Variants in HIBCH observed in about 807,000 individuals in gnomAD.
HIBCH encodes the protein 3-hydroxyisobutyryl-CoA hydrolase, mitochondrial.
HIBCH carries 50 observed loss-of-function variants against 58.2 expected under a neutral mutation model. The ratio of observed to expected loss-of-function variants is 0.86; its 90% confidence interval spans 0.68 to 1.09. The LOEUF (loss-of-function observed/expected upper bound fraction) is 1.09, where lower values mean the gene tolerates loss of function less well. Among genes scored for constraint, HIBCH ranks in the 50% least tolerant of loss-of-function variants. The pLI is 0.00. For synonymous variants in HIBCH, 151 were observed against 146.9 expected (o/e 1.03, Z -0.20); for missense variants, 450 against 449.7 (o/e 1.00, Z -0.01).
intron 11 of HIBCH, among the ~76,000 whole-genome samples, chr2:190,223,901 G>C (rs1685806980): frequency 6.6e-6 from 1 of 152,192 alleles, no homozygotes; most frequent in South Asian, 2.1e-4. Context: ...CATCTCACTG[G>C]GGCTTGTCAG....
intron 4 of HIBCH, among the ~76,000 whole-genome samples, chr2:190,294,020 GTGTA>G (rs869120145): frequency 0.022 from 2,722 of 125,784 alleles, 46 homozygotes; most frequent in African/African-American, 0.04. Flanking sequence ...TATATTTTGT[GTGTA>G]TATATATATA....
In HIBCH at chr2:190,193,212, G is replaced by A. The variant is rs1204204349; in HGVS notation, c.*18-3215C>T. Among the ~76,000 whole-genome samples the A allele has an allele frequency of 2.0e-5, 3 of 151,586 alleles. 1 individual carries two copies. On this transcript the variant is annotated intron_variant, in intron 1 of 1. Coordinates refer to the HIBCH transcript ENST00000399855. ...AAATTTTTTTTCTGTTTCTACTGAG[G>A]TGATCATCTGATTTTTTTTATGTTA...
intron 8 of HIBCH, chr2:190,251,629 A>G (rs3791792): frequency 0.22 from 86,041 of 394,338 alleles, 9,912 homozygotes; most frequent in East Asian, 0.33. Context: ...CTATCTATAT[A>G]TTCTTTTCCA....
chr2:190,213,139 G>GAA, intron 11 of HIBCH, 64 bp from the exon 12 acceptor site: 1 of 1,233,320 alleles, frequency 8.1e-7, no homozygotes, highest in Non-Finnish European at 1.2e-6. Flanking sequence ...TAATAAATGG[G>GAA]CAGAGTGTCT....
intron 11 of HIBCH, among the ~76,000 whole-genome samples, chr2:190,227,672 A>G (rs893655170): frequency 2.2e-4 from 34 of 152,346 alleles, no homozygotes; most frequent in African/African-American, 7.5e-4. Context: ...AAGGGCTAAT[A>G]TCCAGAATCT....
chr2:190,273,235 A>G (rs1167487044), intron 6 of HIBCH, among the ~76,000 whole-genome samples: 2 of 152,100 alleles, frequency 1.3e-5, no homozygotes, highest in African/African-American at 4.8e-5. Flanking sequence ...TCTATTAAAA[A>G]TACAAAAATT....
chr2:190,202,815 C>T (rs886258554), downstream of HIBCH: 1 of 167,042 alleles, frequency 6.0e-6, no homozygotes, highest in Non-Finnish European at 1.5e-5. Flanking sequence ...GTGCAAATTC[C>T]TTATTTACAA....
chr2:190,277,453 C>A (rs1175841249), intron 6 of HIBCH, among the ~76,000 whole-genome samples: 3 of 152,158 alleles, frequency 2.0e-5, no homozygotes, highest in South Asian at 2.1e-4. Context: ...TAACAAAATT[C>A]TTTTACATTA....
intron 1 of HIBCH, among the ~76,000 whole-genome samples, chr2:190,195,785 A>G (rs1689941817): frequency 6.6e-6 from 1 of 152,150 alleles, no homozygotes; most frequent in South Asian, 2.1e-4. Flanking sequence ...TATTTCTTTA[A>G]CACATCATGC....
intron 6 of HIBCH, among the ~76,000 whole-genome samples, chr2:190,274,157 T>G (rs1003825761): frequency 4.6e-5 from 7 of 152,214 alleles, no homozygotes; most frequent in African/African-American, 1.7e-4. Flanking sequence ...CGGCACTTTA[T>G]TATTTAATTA....
At chr2:190,244,206 CT>C (rs1686539998) in intron 11 of HIBCH, among the ~76,000 whole-genome samples, 2 of 151,878 alleles carry the variant, frequency 1.3e-5, no homozygotes, top group Admixed American at 6.6e-5. Context: ...GCTAAAACAC[CT>C]TTTAAGTATA....
chr2:190,193,059 T>C (rs113443741), intron 1 of HIBCH, among the ~76,000 whole-genome samples: 2 of 152,290 alleles, frequency 1.3e-5, no homozygotes, highest in South Asian at 2.1e-4. Flanking sequence ...ATCATGAGAA[T>C]GACTATTGCT....
chr2:190,191,112 A>T (rs988672191), intron 1 of HIBCH, among the ~76,000 whole-genome samples: 2 of 152,160 alleles, frequency 1.3e-5, no homozygotes, highest in Non-Finnish European at 2.9e-5. Flanking sequence ...GCAATTATAA[A>T]GCTGTGACAG....
intron 3 of HIBCH, among the ~76,000 whole-genome samples, chr2:190,295,669 A>G (rs975596560): frequency 6.6e-6 from 1 of 152,252 alleles, no homozygotes; most frequent in African/African-American, 2.4e-5. Flanking sequence ...CATTAATTAC[A>G]TTAATAGAGA....
At chr2:190,208,192 T>C (rs150910196) in intron 13 of HIBCH, among the ~76,000 whole-genome samples, 10 of 152,290 alleles carry the variant, frequency 6.6e-5, no homozygotes, top group African/African-American at 2.4e-4. Context: ...ACTAATGACA[T>C]CATATGGTCT....
chr2:190,298,544 C>T (rs953174798), intron 2 of HIBCH, among the ~76,000 whole-genome samples: 5 of 151,662 alleles, frequency 3.3e-5, no homozygotes, highest in African/African-American at 9.7e-5. Context: ...GTATACATGT[C>T]GTCTTTTGAG....
At chr2:190,208,426 A>G (rs1263097616) in intron 13 of HIBCH, among the ~76,000 whole-genome samples, 2 of 152,202 alleles carry the variant, frequency 1.3e-5, no homozygotes, top group Non-Finnish European at 2.9e-5. Context: ...GCAGTCCATG[A>G]TTGTAGGGGC....
intron 1 of HIBCH, among the ~76,000 whole-genome samples, chr2:190,313,465 T>C (rs557044648): frequency 9.2e-5 from 14 of 152,210 alleles, no homozygotes; most frequent in East Asian, 3.9e-4. Context: ...CCATCTGCAA[T>C]TGGGGACCCT....
rs1471142338 is a variant in HIBCH, at chr2:190,209,789, G to A, written c.1012-876C>T. On this transcript the variant is annotated intron_variant, in intron 12 of 13. Coordinates refer to ENST00000359678, the MANE Select transcript of HIBCH (RefSeq NM_014362.4). This position sits in a 1 kb window ranked among gnomAD's most constrained non-coding sequence, Gnocchi z 5.6. Reference sequence around the variant, plus strand: ...CTTTTATTTTCCTAGAATCATCGATGTAGGCAATATAGCTGAGTTCAAATG... The same window carrying A: ...CTTTTATTTTCCTAGAATCATCGATATAGGCAATATAGCTGAGTTCAAATG... Among the ~76,000 whole-genome samples the A allele has an allele frequency of 6.6e-6, 1 of 152,182 alleles. No individual in the cohort carries two copies. The highest frequency in any genetic ancestry group is 2.4e-5 in the African/African-American group (1 of 41,440).
Sources: gnomAD v4.1 joint callset for allele counts (sites outside exome capture counted in the v4.1 genomes callset) on GRCh38, gnomAD v4.1.1 for gene constraint, Gnocchi (gnomAD v3.1) non-coding constraint, MANE v1.5 for transcripts, NCBI Gene and HGNC (gene_info 2026-07-23, HGNC 2026-07-21) for gene names.